ADAMTSL1: variants seen among roughly 807,000 people sequenced by gnomAD.
The protein encoded by ADAMTSL1 is ADAMTS like 1.
ADAMTSL1 carries 126 observed loss-of-function variants against 201.8 expected under a neutral mutation model. The ratio of observed to expected loss-of-function variants is 0.62; its 90% CI spans 0.54 to 0.72. ADAMTSL1 has a LOEUF of 0.72. ADAMTSL1 is among the 30% of genes least tolerant of loss of function. The probability of loss-of-function intolerance (pLI) is 0.00; values close to 1 mark genes in which losing one functional copy is unlikely to be tolerated. For missense variants in ADAMTSL1, 2,679 were observed against 2,277.8 expected (o/e 1.18, Z -3.59); for synonymous variants, 1,121 against 903.4 (o/e 1.24, Z -4.32).
At chr9:18,871,825 C>G (rs540973809) in intron 23 of ADAMTSL1, among the ~76,000 whole-genome samples, 1 of 152,136 alleles carries the variant, frequency 6.6e-6, no homozygotes, top group Non-Finnish European at 1.5e-5. Context: ...TACAGACTCT[C>G]TAAAGCTAGT....
chr9:18,033,027 G>A (rs1372273969), intron 1 of ADAMTSL1, among the ~76,000 whole-genome samples: 1 of 151,970 alleles, frequency 6.6e-6, no homozygotes, highest in Non-Finnish European at 1.5e-5. Context: ...TGTGGGACAG[G>A]CACCTCCCCA....
intron 5 of ADAMTSL1, among the ~76,000 whole-genome samples, 174 bp from the exon 6 acceptor site, chr9:18,635,769 A>G (rs1226622004): frequency 3.9e-5 from 6 of 152,156 alleles, no homozygotes. Context: ...TCTTTGGCAT[A>G]TTTTATTTTG....
At chr9:18,718,398 A>G in intron 14 of ADAMTSL1, 2 of 696,220 alleles carry the variant, frequency 2.9e-6, no homozygotes, top group South Asian at 2.7e-5. Flanking sequence ...ATCTACTTCA[A>G]CTTGCTTTCT....
intron 1 of ADAMTSL1, among the ~76,000 whole-genome samples, chr9:18,041,522 CAG>C (rs1821425448): frequency 6.6e-6 from 1 of 152,096 alleles, no homozygotes; most frequent in Admixed American, 6.6e-5. Flanking sequence ...GTTTAAAATT[CAG>C]ACATGATGAT....
chr9:18,708,869 C>A (rs1832386275), intron 14 of ADAMTSL1, among the ~76,000 whole-genome samples: 1 of 152,106 alleles, frequency 6.6e-6, no homozygotes, highest in South Asian at 2.1e-4. Context: ...AGAGTCTAAC[C>A]ATTCTGCTGA....
chr9:18,313,567 G>A (rs1027044591), intron 2 of ADAMTSL1, among the ~76,000 whole-genome samples: 1 of 152,112 alleles, frequency 6.6e-6, no homozygotes, highest in Non-Finnish European at 1.5e-5. Context: ...TCCAAGAAAA[G>A]GATAGTCTTT....
At chr9:18,161,014 T>A (rs1827365172) in intron 1 of ADAMTSL1, among the ~76,000 whole-genome samples, 1 of 151,876 alleles carries the variant, frequency 6.6e-6, no homozygotes, top group Non-Finnish European at 1.5e-5. Flanking sequence ...TTAAGTTTAG[T>A]TCAGAATTTT....
At chr9:18,603,064 C>T (rs898145609) in intron 4 of ADAMTSL1, among the ~76,000 whole-genome samples, 1 of 152,086 alleles carries the variant, frequency 6.6e-6, no homozygotes, top group African/African-American at 2.4e-5. Context: ...TTTAAAACAC[C>T]AACTAACATC....
At chr9:18,567,063 G>T (rs1177366343) in intron 3 of ADAMTSL1, among the ~76,000 whole-genome samples, 1 of 152,142 alleles carries the variant, frequency 6.6e-6, no homozygotes, top group African/African-American at 2.4e-5. Flanking sequence ...CTCACCCCAG[G>T]TCTACTGAAT....
chr9:18,552,141 T>C (rs549893272), intron 3 of ADAMTSL1, among the ~76,000 whole-genome samples: 1 of 152,016 alleles, frequency 6.6e-6, no homozygotes, highest in African/African-American at 2.4e-5. Context: ...GCTTACTTTC[T>C]TCAAACTTAT....
intron 1 of ADAMTSL1, among the ~76,000 whole-genome samples, chr9:17,930,612 T>C (rs1826742861): frequency 1.3e-5 from 2 of 152,160 alleles, no homozygotes; most frequent in South Asian, 2.1e-4. Flanking sequence ...TGGATACATA[T>C]GGATTCACAA....
At chr9:18,329,584 C>T (rs1834952060) in intron 2 of ADAMTSL1, among the ~76,000 whole-genome samples, 1 of 152,182 alleles carries the variant, frequency 6.6e-6, no homozygotes, top group South Asian at 2.1e-4. Flanking sequence ...CTAAACTACT[C>T]AAATGAAGGC....
chr9:18,588,918 T>TATATATATATATATATATATA (rs890794270), intron 4 of ADAMTSL1, among the ~76,000 whole-genome samples: 1 of 65,924 alleles, frequency 1.5e-5, no homozygotes, highest in Non-Finnish European at 3.4e-5. Flanking sequence ...TATATACACA[T>TATATATATATATATATATATA]TTTTTTTTTG....
rs576998971 is a variant in ADAMTSL1, at chr9:18,262,502, G to C, written c.207+98521G>C. Reference sequence around the variant, plus strand: ...CATATCGTATAAGAGACATTCTTCAGGGGATAGAGTACCACTGAGCTTCTT... The same window carrying C: ...CATATCGTATAAGAGACATTCTTCACGGGATAGAGTACCACTGAGCTTCTT... On this transcript the variant is annotated intron_variant, in intron 2 of 29. Transcript: ENST00000680146. Among the ~76,000 whole-genome samples the C allele has an allele frequency of 2.3e-4, 35 of 152,284 alleles. No individual in the cohort carries two copies. The South Asian group carries it at 5.8e-3, about 25-fold the overall frequency.
chr9:18,503,956 T>C (rs893627175), intron 1 of ADAMTSL1, among the ~76,000 whole-genome samples: 1 of 150,132 alleles, frequency 6.7e-6, no homozygotes, highest in Non-Finnish European at 1.5e-5. Context: ...ATTTTGCTGA[T>C]CTTCCTATAT....
intron 2 of ADAMTSL1, among the ~76,000 whole-genome samples, chr9:18,251,191 G>C (rs1587398377): frequency 6.6e-6 from 1 of 152,114 alleles, no homozygotes; most frequent in Non-Finnish European, 1.5e-5. Context: ...TTAAGAGGCA[G>C]AAGTTGAAGT....
intron 2 of ADAMTSL1, among the ~76,000 whole-genome samples, chr9:18,406,289 T>TTTTTCTTTTCTTTTC (rs141305844): frequency 0.17 from 19,529 of 117,188 alleles, 2,134 homozygotes; most frequent in Non-Finnish European, 0.2. Flanking sequence ...ATAAGACAGT[T>TTTTTCTTTTCTTTTC]TTTTCTTTTC....
intron 26 of ADAMTSL1, among the ~76,000 whole-genome samples, chr9:18,896,131 C>T (rs959497320): frequency 2.0e-5 from 3 of 152,118 alleles, no homozygotes; most frequent in Non-Finnish European, 1.5e-5. Context: ...TTGAGAGTCT[C>T]AGAAGAAGAA....
intron 1 of ADAMTSL1, among the ~76,000 whole-genome samples, chr9:17,909,105 T>C (rs1255169583): frequency 1.4e-5 from 2 of 148,138 alleles, no homozygotes; most frequent in East Asian, 4.0e-4. Context: ...GTTTTTTGGC[T>C]GCATAAATGT....
Sources: gnomAD v4.1 joint callset for allele counts (sites outside exome capture counted in the v4.1 genomes callset) on GRCh38, gnomAD v4.1.1 for gene constraint, MANE v1.5 for transcripts, NCBI Gene and HGNC (gene_info 2026-07-23, HGNC 2026-07-21) for gene names.